AHDC1: variants seen among roughly 807,000 people sequenced by gnomAD.
The protein encoded by AHDC1 is AT-hook DNA binding motif containing 1, also known as transcription factor Gibbin.
A neutral mutation model predicts 87.9 loss-of-function variants in AHDC1; 7 were observed. That is an observed-to-expected ratio of 0.08 (90% CI 0.05 to 0.15). The LOEUF (loss-of-function observed/expected upper bound fraction) is 0.15, where lower values mean the gene tolerates loss of function less well. AHDC1 is among the 10% of genes least tolerant of loss of function. AHDC1 has a pLI of 1.00. For missense variants in AHDC1, 1,841 were observed against 2,253.2 expected, an observed-to-expected ratio of 0.82 and a Z score of 3.70; for synonymous variants, 1,051 against 1,006.8, an observed-to-expected ratio of 1.04 and a Z score of -0.83.
At chr1:27,536,426 G>A (rs1034362240) in intron 8 of AHDC1, among the ~76,000 whole-genome samples, 8 of 152,222 alleles carry the variant, frequency 5.3e-5, no homozygotes, top group East Asian at 1.9e-4. Flanking sequence ...GCAGGAGGAT[G>A]GAATACTAGC....
chr1:27,565,580 G>A lies in AHDC1; in HGVS notation c.-628-6697C>T, dbSNP rs1267379399. Among the ~76,000 whole-genome samples, 1 of 152,196 alleles carries A rather than the reference G, an allele frequency of 6.6e-6. No individual in the cohort carries two copies. The highest frequency in any genetic ancestry group is 1.5e-5 in the Non-Finnish European group (1 of 68,036). ...TGTCCCCCGGCGCTGGTGAGCAAGG[G>A]GCGGGAGTCACTCTAGTCTTTCCTT... On this transcript the variant is annotated intron_variant, in intron 3 of 8. Coordinates refer to ENST00000673934, the MANE Select transcript of AHDC1 (RefSeq NM_001371928.1). This position sits in a 1 kb window ranked among gnomAD's most constrained non-coding sequence, Gnocchi z 4.6.
chr1:27,589,390 T>C (rs1197652013), intron 3 of AHDC1, among the ~76,000 whole-genome samples: 3 of 152,206 alleles, frequency 2.0e-5, no homozygotes, highest in Admixed American at 6.5e-5. Context: ...TGTCTCAGTG[T>C]GTGTGGCTGG....
At chr1:27,592,724 A>T (rs1159674825) in intron 3 of AHDC1, among the ~76,000 whole-genome samples, 1 of 152,068 alleles carries the variant, frequency 6.6e-6, no homozygotes, top group Non-Finnish European at 1.5e-5. Context: ...TGCAAAATGG[A>T]GGGGCCGGAA....
intron 3 of AHDC1, among the ~76,000 whole-genome samples, chr1:27,587,724 C>T (rs1217767887): frequency 2.6e-5 from 4 of 152,152 alleles, no homozygotes; most frequent in Non-Finnish European, 4.4e-5. Context: ...TCTGATGTCC[C>T]CCCATGTCCA....
At chr1:27,584,658 G>C (rs990628538) in intron 3 of AHDC1, among the ~76,000 whole-genome samples, 10 of 152,112 alleles carry the variant, frequency 6.6e-5, no homozygotes, top group African/African-American at 2.4e-4. Context: ...GGGGTGAGCT[G>C]TGCTCTATAG....
chr1:27,575,218 C>A (rs1284893327), intron 3 of AHDC1, among the ~76,000 whole-genome samples: 1 of 152,210 alleles, frequency 6.6e-6, no homozygotes, highest in Non-Finnish European at 1.5e-5. Flanking sequence ...GGCTAAGCTG[C>A]CCACTGATCC....
intron 8 of AHDC1, among the ~76,000 whole-genome samples, chr1:27,538,673 C>T (rs1435648088): frequency 6.6e-6 from 1 of 151,950 alleles, no homozygotes; most frequent in Non-Finnish European, 1.5e-5. Flanking sequence ...CATCACCACA[C>T]CTGGCTAATT....
chr1:27,552,309 C>T, intron 7 of AHDC1, 120 bp from the exon 8 acceptor site: 2 of 936,038 alleles, frequency 2.1e-6, no homozygotes, highest in Non-Finnish European at 2.8e-6. Context: ...TACCAAGCTC[C>T]CCTCCCCACC....
chr1:27,558,760 G>C lies in AHDC1; in HGVS notation c.-505C>G, dbSNP rs890148095. 5.0e-6 allele frequency: 2 copies of C among 398,558 alleles called. No homozygotes were observed. Among genetic ancestry groups the C allele is most frequent in the African/African-American group, 4.1e-5 (2 of 48,634 alleles). 24.7% of individuals were successfully genotyped at this position (398,558 alleles called of 1,614,324 possible). A position where few individuals can be genotyped will look rare whatever the true frequency, so the allele number is the denominator to read the frequency against. Reference sequence around the variant, plus strand: ...CAGCAGGAAAGGCCTGTCTTCATCAGCATCTCCAGGGTGGTCTCTGCAACG... The same window carrying C: ...CAGCAGGAAAGGCCTGTCTTCATCACCATCTCCAGGGTGGTCTCTGCAACG... On this transcript the variant is annotated 5_prime_UTR_variant, in exon 4 of 9. Transcript: ENST00000673934. The surrounding 1 kb of genome is among the most constrained non-coding windows in gnomAD (Gnocchi z 5.6).
chr1:27,566,982 A>G (rs2020350355), intron 3 of AHDC1, among the ~76,000 whole-genome samples: 1 of 152,058 alleles, frequency 6.6e-6, no homozygotes, highest in African/African-American at 2.4e-5. Flanking sequence ...GGGCTCTACC[A>G]GGAAGAAAGT....
chr1:27,584,589 G>T (rs1049885359), intron 3 of AHDC1, among the ~76,000 whole-genome samples: 1 of 152,112 alleles, frequency 6.6e-6, no homozygotes, highest in Admixed American at 6.5e-5. Context: ...AGTTAGTTGG[G>T]CAGCAAGCTC....
At chr1:27,597,288 G>A (rs972329046) in intron 3 of AHDC1, among the ~76,000 whole-genome samples, 5 of 152,272 alleles carry the variant, frequency 3.3e-5, no homozygotes, top group African/African-American at 4.8e-5. Flanking sequence ...AGCTATGTTC[G>A]TGAGATGCAG....
Position 27,558,627 on chromosome 1 carries a change from G to T in AHDC1, c.-451+79C>A. On this transcript the variant is annotated intron_variant, in intron 4 of 8. Transcript: ENST00000673934. The surrounding 1 kb of genome is among the most constrained non-coding windows in gnomAD (Gnocchi z 5.6). ...TAAGCTGGGAGGGGATCCCTGTTGG[G>T]ACTGGGAGGCAAGTTCCCCTGATCC... 1 of 398,074 alleles carries T rather than the reference G, an allele frequency of 2.5e-6. No individual in the cohort carries two copies. Among genetic ancestry groups the T allele is most frequent in the South Asian group, 1.4e-4 (1 of 7,406 alleles). The allele number at this position is 398,074 out of a possible 1,614,324, so 24.7% of individuals were successfully genotyped here.
intron 3 of AHDC1, among the ~76,000 whole-genome samples, chr1:27,574,116 G>A (rs770993692): frequency 1.3e-5 from 2 of 152,190 alleles, no homozygotes; most frequent in African/African-American, 4.8e-5. Context: ...TCAGCAAGGA[G>A]ATGAGAGGAA....
In AHDC1 at chr1:27,550,595, C is replaced by T. The variant is rs1193512170; in HGVS notation, c.1521G>A (p.Lys507=). ...SLSSSLSVEG[K]ELGLRVSAEP... ...CAGCCGACACGCGCAGGCCCAGCTC[C>T]TTGCCCTCCACGCTCAGGCTGCTGC... Residue 507 remains lysine (K), a synonymous_variant, in exon 8 of 9, where the codon AAG becomes AAA. Coordinates refer to ENST00000673934, the MANE Select transcript of AHDC1 (RefSeq NM_001371928.1). The T allele has an allele frequency of 2.5e-6, 4 of 1,613,826 alleles. No individual in the cohort carries two copies. The highest frequency in any genetic ancestry group is 1.3e-5 in the African/African-American group (1 of 75,082).
chr1:27,594,169 A>G (rs2089301978), intron 3 of AHDC1, among the ~76,000 whole-genome samples: 1 of 152,258 alleles, frequency 6.6e-6, no homozygotes, highest in Non-Finnish European at 1.5e-5. Context: ...GTTTAAAATC[A>G]TGCATCTAGT....
At chr1:27,582,477 C>T (rs945588280) in intron 3 of AHDC1, among the ~76,000 whole-genome samples, 2 of 152,256 alleles carry the variant, frequency 1.3e-5, no homozygotes, top group Non-Finnish European at 2.9e-5. Context: ...GTAATGTGGG[C>T]ATGCCCAATG....
chr1:27,572,269 G>A (rs1244633734), intron 3 of AHDC1, among the ~76,000 whole-genome samples: 1 of 152,138 alleles, frequency 6.6e-6, no homozygotes, highest in Non-Finnish European at 1.5e-5. Flanking sequence ...CTGAGAGTGA[G>A]GGGGCTTGAG....
At position 27,593,485 on chromosome 1, in the gene AHDC1, G is replaced by A. The variant is rs144681664; in HGVS notation, c.-629+9912C>T. On this transcript the variant is annotated intron_variant, in intron 3 of 8. Transcript: ENST00000673934. This position sits in a 1 kb window ranked among gnomAD's most constrained non-coding sequence, Gnocchi z 4.9. ...ATGGACCCATTCTCAGGGCGTAGCC[G>A]TGTGTCCCTCAGAACCCTAAGACCC... Among the ~76,000 whole-genome samples the A allele has an allele frequency of 3.3e-4, 50 of 152,320 alleles. No homozygotes were observed. The highest frequency in any genetic ancestry group is 1.1e-3 in the African/African-American group (46 of 41,560).
Sources: allele counts gnomAD v4.1 joint callset (sites outside exome capture counted in the v4.1 genomes callset), GRCh38; gene constraint gnomAD v4.1.1; non-coding constraint Gnocchi (gnomAD v3.1); transcripts MANE v1.5; gene names NCBI Gene and HGNC (gene_info 2026-07-23, HGNC 2026-07-21).